The following ANKMY1 variants were observed in gnomAD, a reference collection of about 807,000 sequenced individuals.
ANKMY1 encodes ankyrin repeat and MYND domain-containing protein 1.
A neutral mutation model predicts 102.0 loss-of-function variants in ANKMY1; 98 were observed. The observed-to-expected ratio is 0.96, with a 90% confidence interval of 0.82 to 1.14. ANKMY1 has a LOEUF of 1.14. ANKMY1 is among the 50% of genes most tolerant of loss of function. The pLI, the probability that ANKMY1 is intolerant of heterozygous loss-of-function variation, is 0.00. For synonymous variants in ANKMY1, 582 were observed against 559.9 expected (o/e 1.04, Z -0.56); for missense variants, 1,330 against 1,347.6 (o/e 0.99, Z 0.20).
intron 11 of ANKMY1, among the ~76,000 whole-genome samples, chr2:240,509,905 C>T (rs936421715): frequency 1.6e-4 from 24 of 151,936 alleles, no homozygotes; most frequent in African/African-American, 5.8e-4. Flanking sequence ...GCACTCTCTG[C>T]ACCAGGAGGG....
chr2:240,482,260 C>G lies in ANKMY1; in HGVS notation c.2808G>C (p.Ala936=), dbSNP rs375234055. The change falls in exon 16 of 18, where the codon GCG becomes GCC. Residue 936 remains alanine (A), a splice_region_variant and synonymous_variant. Transcript: ENST00000401804. ...DPTWLYLCKR[A]ELIPSHRMKK... is the part of the protein sequence containing the mutation. ...TCATCCTGTGGCTGGGGATCAGCTC[C>G]GCTGCATGAGAGAGGGTCCCGCATT... is the stretch of plus-strand genomic sequence containing the variant. The G allele has an allele frequency of 8.1e-6, 13 of 1,611,428 alleles. No individual in the cohort carries two copies. Among genetic ancestry groups the G allele is most frequent in the African/African-American group, 2.7e-5 (2 of 74,806 alleles).
At chr2:240,479,720 G>C in intron 17 of ANKMY1, 65 bp from the exon 18 acceptor site, 1 of 1,491,882 alleles carries the variant, frequency 6.7e-7, no homozygotes, top group Non-Finnish European at 9.3e-7. Flanking sequence ...CCCGAGGCCT[G>C]GCTCCAGAAC....
chr2:240,470,505 T>G, the ANKMY1 span, among the ~76,000 whole-genome samples: 4 of 152,258 alleles, frequency 2.6e-5, no homozygotes, highest in African/African-American at 9.6e-5. Context: ...GCAAAACCAG[T>G]GAGTCTAAAC....
At chr2:240,555,819 G>C (rs2092284644) in intron 2 of ANKMY1, among the ~76,000 whole-genome samples, 1 of 152,054 alleles carries the variant, frequency 6.6e-6, no homozygotes, top group African/African-American at 2.4e-5. Flanking sequence ...CAGAAGGACA[G>C]GGCATCCCAG....
chr2:240,529,111 C>T lies in ANKMY1; in HGVS notation c.879G>A (p.Glu293=), dbSNP rs780861952. ...IFLNEIPPFV[E]DGEPWFIINE... ...TGATTATGAACCATGGTTCTCCATC[C>T]TCAACGAACGGAGGAATTTCATTGA... The change falls in exon 5 of 18, where the codon GAG becomes GAA. Residue 293 remains glutamate (E), a synonymous_variant. Transcript: ENST00000401804. This position sits in a 1 kb window ranked among gnomAD's most constrained non-coding sequence, Gnocchi z 4.2. 22 of 1,614,084 alleles carry T rather than the reference C, an allele frequency of 1.4e-5. No homozygotes were observed. The highest frequency in any genetic ancestry group is 8.3e-5 in the Admixed American group (5 of 60,012).
chr2:240,481,774 G>C (rs1435862664), intron 16 of ANKMY1, among the ~76,000 whole-genome samples: 1 of 152,186 alleles, frequency 6.6e-6, no homozygotes, highest in Non-Finnish European at 1.5e-5. Flanking sequence ...GAAGGTGCAG[G>C]TGTGCAGGCT....
intron 2 of ANKMY1, 71 bp downstream of exon 2, chr2:240,557,118 CT>C (rs2092430310): frequency 7.2e-7 from 1 of 1,384,230 alleles, no homozygotes; most frequent in African/African-American, 1.5e-5. Flanking sequence ...TACTGCTTGC[CT>C]TAAGGAGAAT....
chr2:240,498,194 GA>G (rs375526574), intron 15 of ANKMY1, among the ~76,000 whole-genome samples: 5,283 of 147,382 alleles, frequency 0.036, 128 homozygotes, highest in South Asian at 0.082. Context: ...GTTGGGGGGG[GA>G]CATATGGGAG....
In ANKMY1 at chr2:240,520,427, C is replaced by A. The variant is rs918911208; in HGVS notation, c.1939G>T (p.Asp647Tyr). 1 of 1,611,038 alleles carries A rather than the reference C, an allele frequency of 6.2e-7. No individual in the cohort carries two copies. Among genetic ancestry groups the A allele is most frequent in the Non-Finnish European group, 8.5e-7 (1 of 1,178,844 alleles). The change falls in exon 9 of 18, where the codon GAC becomes TAC. Residue 647 changes from aspartate to tyrosine, a missense_variant. Coordinates refer to ENST00000401804, the MANE Select transcript of ANKMY1 (RefSeq NM_001282771.3). This position sits in a 1 kb window ranked among gnomAD's most constrained non-coding sequence, Gnocchi z 4.8. ...QVLFLAVKAG[D>Y]VDGVRLLLEH... ...AGCAGCAGCCTCACCCCATCCACGT[C>A]CCCGGCCTTCACAGCAAGGAACAGG...
chr2:240,537,328 T>C (rs533918477), intron 4 of ANKMY1, among the ~76,000 whole-genome samples: 3 of 152,386 alleles, frequency 2.0e-5, no homozygotes, highest in South Asian at 2.1e-4. Context: ...GTCTTCATGT[T>C]CGTAGGATTT....
At chr2:240,541,670 T>C (rs2088858380) in intron 4 of ANKMY1, among the ~76,000 whole-genome samples, 2 of 151,934 alleles carry the variant, frequency 1.3e-5, no homozygotes, top group South Asian at 4.2e-4. Flanking sequence ...ACCTGGCTAA[T>C]TTTTTGTATT....
intron 17 of ANKMY1, 104 bp from the exon 18 acceptor site, chr2:240,479,759 T>G: frequency 9.9e-7 from 1 of 1,012,728 alleles, no homozygotes; most frequent in South Asian, 1.3e-5. Flanking sequence ...CTGAGGACTG[T>G]GCTCTGTCTA....
At chr2:240,507,798 G>T in intron 12 of ANKMY1, 107 bp from the exon 13 acceptor site, 2 of 1,360,776 alleles carry the variant, frequency 1.5e-6, no homozygotes, top group Non-Finnish European at 1.9e-6. Flanking sequence ...GAAAGCAGGG[G>T]CTTCACGGAG....
intron 4 of ANKMY1, among the ~76,000 whole-genome samples, chr2:240,539,055 T>C (rs760162621): frequency 5.9e-5 from 9 of 152,158 alleles, no homozygotes; most frequent in Non-Finnish European, 1.2e-4. Context: ...CAGCAGGATG[T>C]GGGTGGGGTC....
At chr2:240,549,702 G>A (rs1405576917) in intron 4 of ANKMY1, among the ~76,000 whole-genome samples, 3 of 152,318 alleles carry the variant, frequency 2.0e-5, no homozygotes, top group South Asian at 4.1e-4. Flanking sequence ...AAAAGTGGGT[G>A]AAGGACATGA....
At chr2:240,527,098 G>A in intron 5 of ANKMY1, 1 of 517,366 alleles carries the variant, frequency 1.9e-6, no homozygotes, top group Non-Finnish European at 2.5e-6. Flanking sequence ...GTGGGTGGAT[G>A]AATGGATGGG....
At position 240,520,804 on chromosome 2, in the gene ANKMY1, TAC is replaced by T. The variant is rs1559310651; in HGVS notation, c.1833-273_1833-272del. The stretch of plus-strand genomic sequence containing the variant: ...ACCACACCCACAGCACACCACACAG[TAC>T]ACACAGCACACAACCCCACACACAA... On this transcript the variant is annotated intron_variant, in intron 8 of 17. Coordinates refer to ENST00000401804, the MANE Select transcript of ANKMY1 (RefSeq NM_001282771.3). The surrounding 1 kb of genome is among the most constrained non-coding windows in gnomAD (Gnocchi z 4.8). Among the ~76,000 whole-genome samples, 1 of 126,954 alleles carries T rather than the reference TAC, an allele frequency of 7.9e-6. No individual in the cohort carries two copies. Among genetic ancestry groups the T allele is most frequent in the Non-Finnish European group, 1.6e-5 (1 of 60,846 alleles). 83.3% of individuals were successfully genotyped at this position (126,954 alleles called of 152,430 possible). A position where few individuals can be genotyped will look rare whatever the true frequency, so the allele number is the denominator to read the frequency against.
chr2:240,511,968 T>C lies in ANKMY1; in HGVS notation c.2179A>G (p.Asn727Asp), dbSNP rs1163089342. ...TAGGCTTGGGGAGGGCCTGGCTCAT[T>C]GCTGAGCTTCAGACTTGAGGGCAGC... ...DLLPSSLKLS[N>D]EPGPPQAYYS... The change falls in exon 11 of 18, where the codon AAT becomes GAT. Residue 727 changes from asparagine (N) to aspartate (D), a missense_variant. By Grantham distance (23) the Asn-to-Asp change is conservative. Coordinates refer to ENST00000401804, the MANE Select transcript of ANKMY1 (RefSeq NM_001282771.3). The C allele has an allele frequency of 6.4e-7, 1 of 1,562,340 alleles. No homozygotes were observed. Among genetic ancestry groups the C allele is most frequent in the Non-Finnish European group, 8.6e-7 (1 of 1,163,138 alleles).
At chr2:240,487,498 T>C (rs2076182490) in intron 15 of ANKMY1, among the ~76,000 whole-genome samples, 1 of 152,252 alleles carries the variant, frequency 6.6e-6, no homozygotes, top group South Asian at 2.1e-4. Context: ...GGGTAGATAG[T>C]AGTGTGACTG....
Sources: allele counts gnomAD v4.1 joint callset (sites outside exome capture counted in the v4.1 genomes callset), GRCh38; gene constraint gnomAD v4.1.1; non-coding constraint Gnocchi (gnomAD v3.1); transcripts MANE v1.5; gene names NCBI Gene and HGNC (gene_info 2026-07-23, HGNC 2026-07-21).